Variants in MKNK1 observed in about 807,000 individuals in gnomAD.
MKNK1 encodes MAP kinase-interacting serine/threonine-protein kinase 1.
MKNK1 carries 30 observed loss-of-function variants against 49.3 expected under a neutral mutation model. The ratio of observed to expected loss-of-function variants is 0.61; its 90% CI spans 0.46 to 0.83. MKNK1 has a LOEUF of 0.83. MKNK1 is among the 40% of genes least tolerant of loss of function. The pLI, the probability that MKNK1 is intolerant of heterozygous loss-of-function variation, is 0.00. For synonymous variants in MKNK1, 176 were observed against 201.7 expected, an observed-to-expected ratio of 0.87 and a Z score of 1.08; for missense variants, 423 against 524.7, an observed-to-expected ratio of 0.81 and a Z score of 1.89.
At chr1:46,574,884 T>C in intron 6 of MKNK1, 63 bp downstream of exon 6, 4 of 1,137,192 alleles carry the variant, frequency 3.5e-6, no homozygotes, top group Middle Eastern at 2.0e-4. Context: ...CTGGGATTCA[T>C]GATGGATGAT....
intron 10 of MKNK1, among the ~76,000 whole-genome samples, chr1:46,562,366 A>G (rs1163654544): frequency 7.6e-6 from 1 of 130,908 alleles, no homozygotes; most frequent in Non-Finnish European, 1.6e-5. Context: ...ATTGCACTCC[A>G]GCCTGGGCGA....
chr1:46,591,399 T>C (rs1173934865), intron 2 of MKNK1, among the ~76,000 whole-genome samples: 1 of 152,150 alleles, frequency 6.6e-6, no homozygotes, highest in African/African-American at 2.4e-5. Flanking sequence ...CTGAGAGTCC[T>C]AGAGACAAAA....
At chr1:46,560,566 G>C (rs895187310) in intron 11 of MKNK1, among the ~76,000 whole-genome samples, 28 of 152,206 alleles carry the variant, frequency 1.8e-4, no homozygotes, top group Non-Finnish European at 3.7e-4. Context: ...CCCCTGTGAC[G>C]CACATTTCCC....
At chr1:46,571,519 G>T (rs1325577519) in intron 7 of MKNK1, 1 of 436,498 alleles carries the variant, frequency 2.3e-6, no homozygotes, top group Non-Finnish European at 4.5e-6. Context: ...CTCCAGCCTA[G>T]GTGACAGAGA....
At chr1:46,560,566 G>A (rs895187310) in intron 11 of MKNK1, among the ~76,000 whole-genome samples, 2 of 152,206 alleles carry the variant, frequency 1.3e-5, no homozygotes, top group African/African-American at 4.8e-5. Context: ...CCCCTGTGAC[G>A]CACATTTCCC....
chr1:46,562,587 C>T lies in MKNK1; in HGVS notation c.804+62G>A, dbSNP rs1257415344. 5 of 1,494,426 alleles carry T rather than the reference C, an allele frequency of 3.3e-6. No homozygotes were observed. In the South Asian group the frequency reaches 3.8e-5, roughly 11 times the overall value. 92.6% of individuals were successfully genotyped at this position (1,494,426 alleles called of 1,614,324 possible). Reference sequence around the variant, plus strand: ...GCTCTCCCAGCCCAGTCCTGCTTGGCATCCCCCAACCACACTGACCCCTAG... The same window carrying T: ...GCTCTCCCAGCCCAGTCCTGCTTGGTATCCCCCAACCACACTGACCCCTAG... On this transcript the variant is annotated intron_variant, in intron 10 of 12. Coordinates refer to ENST00000371945, the MANE Select transcript of MKNK1 (RefSeq NM_001135553.4).
intron 1 of MKNK1, among the ~76,000 whole-genome samples, chr1:46,603,182 T>G (rs1459133003): frequency 1.3e-5 from 2 of 152,146 alleles, no homozygotes; most frequent in African/African-American, 4.8e-5. Flanking sequence ...AGCCCTCTAA[T>G]GAAGGGCTGA....
intron 1 of MKNK1, among the ~76,000 whole-genome samples, chr1:46,595,912 T>C (rs1674007120): frequency 6.6e-6 from 1 of 152,210 alleles, no homozygotes; most frequent in African/African-American, 2.4e-5. Flanking sequence ...CCACCACGCC[T>C]AATTTTTGTA....
chr1:46,573,716 G>C (rs1670537070), intron 6 of MKNK1: 1 of 151,758 alleles, frequency 6.6e-6, no homozygotes, highest in Non-Finnish European at 1.5e-5. Context: ...GAAAAGCAGA[G>C]AATAATGCTT....
Position 46,568,430 on chromosome 1 carries a change from A to G in MKNK1, c.513+13T>C. On this transcript the variant is annotated intron_variant, in intron 8 of 12. Coordinates refer to ENST00000371945, the MANE Select transcript of MKNK1 (RefSeq NM_001135553.4). Reference sequence around the variant, plus strand: ...AGTATAAACTATAACATTCCAAATCAGGCCCAAAGTACCTTTTCTGGAGAT... The same window carrying G: ...AGTATAAACTATAACATTCCAAATCGGGCCCAAAGTACCTTTTCTGGAGAT... 1.2e-6 allele frequency: 2 copies of G among 1,613,318 alleles called. No homozygotes were observed. Among genetic ancestry groups the G allele is most frequent in the African/African-American group, 1.3e-5 (1 of 75,024 alleles).
At chr1:46,598,832 A>T (rs1674387321) in intron 1 of MKNK1, among the ~76,000 whole-genome samples, 1 of 152,188 alleles carries the variant, frequency 6.6e-6, no homozygotes, top group African/African-American at 2.4e-5. Flanking sequence ...TATAAACTCT[A>T]GTCTCTCTGA....
chr1:46,600,537 T>C (rs912934880), intron 1 of MKNK1, among the ~76,000 whole-genome samples: 2 of 152,246 alleles, frequency 1.3e-5, no homozygotes, highest in African/African-American at 4.8e-5. Context: ...CATTCCTTCA[T>C]CCATTCTTCC....
intron 1 of MKNK1, among the ~76,000 whole-genome samples, chr1:46,602,461 G>C (rs954514592): frequency 5.9e-5 from 9 of 152,172 alleles, no homozygotes; most frequent in Non-Finnish European, 1.5e-5. Context: ...CTGAAGCACA[G>C]GTTGCAGGTT....
At chr1:46,597,163 GC>G (rs1253466475) in intron 1 of MKNK1, among the ~76,000 whole-genome samples, 1 of 152,090 alleles carries the variant, frequency 6.6e-6, no homozygotes, top group East Asian at 1.9e-4. Context: ...AGATCCATCG[GC>G]CTGCAGCTGG....
At chr1:46,572,656 T>A (rs1465990299) in intron 6 of MKNK1, among the ~76,000 whole-genome samples, 1 of 152,120 alleles carries the variant, frequency 6.6e-6, no homozygotes, top group African/African-American at 2.4e-5. Flanking sequence ...CTTGTATGTC[T>A]GTTAAACAAA....
chr1:46,569,033 G>A (rs961124325), intron 7 of MKNK1: 2 of 152,616 alleles, frequency 1.3e-5, no homozygotes, highest in African/African-American at 4.8e-5. Context: ...TGCTTTGCAT[G>A]TCTAAGGCAG....
chr1:46,602,678 A>G (rs12136479), intron 1 of MKNK1, among the ~76,000 whole-genome samples: 77,405 of 151,918 alleles, frequency 0.51, 20,401 homozygotes, highest in East Asian at 0.91. Context: ...GCTATTGTTA[A>G]TGTTAGTGTA....
rs1667989379 is a variant in MKNK1 at position 46,561,610 on chromosome 1, C to T, written c.837G>A (p.Lys279=). Residue 279 remains lysine (K), a synonymous_variant, in exon 11 of 13, where the codon AAG becomes AAA. Transcript: ENST00000371945. ...CCCAGTCCTTGTCAGGAAACTCATA[C>T]TTGCCTTCCTGGATGCTTTCAAACA... ...NKLFESIQEG[K]YEFPDKDWAH... is the part of the protein sequence containing the mutation. 4 of 1,614,080 alleles carry T rather than the reference C, an allele frequency of 2.5e-6. No homozygotes were observed. The highest frequency in any genetic ancestry group is 1.7e-5 in the Admixed American group (1 of 60,012).
At chr1:46,568,712 G>A in intron 7 of MKNK1, 1 of 567,036 alleles carries the variant, frequency 1.8e-6, no homozygotes, top group East Asian at 3.1e-5. Flanking sequence ...GGAGGCTTTA[G>A]AAGTCTGGCA....
Sources: gnomAD v4.1 joint callset for allele counts (sites outside exome capture counted in the v4.1 genomes callset) on GRCh38, gnomAD v4.1.1 for gene constraint, MANE v1.5 for transcripts, NCBI Gene and HGNC (gene_info 2026-07-23, HGNC 2026-07-21) for gene names.